Variants in GPCPD1 observed in about 807,000 individuals in gnomAD.
GPCPD1 encodes the protein glycerophosphocholine phosphodiesterase GPCPD1.
Under a neutral mutation model 89.2 loss-of-function variants are expected in GPCPD1, and 29 were observed. The observed-to-expected ratio is 0.33, with a 90% CI of 0.24 to 0.44. The LOEUF (loss-of-function observed/expected upper bound fraction) is 0.44, where lower values mean the gene tolerates loss of function less well. Among genes scored for constraint, GPCPD1 ranks in the 20% least tolerant of loss-of-function variants. The pLI is 1.00. For missense variants in GPCPD1, 594 were observed against 808.9 expected (o/e 0.73, Z 3.22); for synonymous variants, 258 against 266.3 (o/e 0.97, Z 0.30).
intron 12 of GPCPD1, among the ~76,000 whole-genome samples, chr20:5,568,032 A>G (rs1394314730): frequency 1.3e-5 from 2 of 152,066 alleles, no homozygotes; most frequent in Non-Finnish European, 2.9e-5. Context: ...GACACACCAA[A>G]TGTCATGAAA....
intron 2 of GPCPD1, among the ~76,000 whole-genome samples, chr20:5,599,869 T>C (rs1980005899): frequency 6.6e-6 from 1 of 152,198 alleles, no homozygotes; most frequent in African/African-American, 2.4e-5. Context: ...TAGTACTTCT[T>C]AACTAAGGTA....
chr20:5,598,540 A>C (rs1000378169), intron 3 of GPCPD1, among the ~76,000 whole-genome samples, 185 bp downstream of exon 3: 3 of 152,278 alleles, frequency 2.0e-5, no homozygotes, highest in Admixed American at 1.3e-4. Flanking sequence ...AGGGATTAAC[A>C]GTAAGAGAGG....
chr20:5,606,719 T>C (rs1032911237), intron 1 of GPCPD1, among the ~76,000 whole-genome samples: 3 of 152,228 alleles, frequency 2.0e-5, no homozygotes, highest in African/African-American at 2.4e-5. Context: ...TGATTAATTG[T>C]CCAGCTCCAA....
intron 19 of GPCPD1, among the ~76,000 whole-genome samples, chr20:5,553,606 A>G (rs1457015378): frequency 1.3e-5 from 2 of 152,260 alleles, no homozygotes; most frequent in Non-Finnish European, 2.9e-5. Context: ...AAGGAAATTG[A>G]AAGTGCTACT....
intron 4 of GPCPD1, among the ~76,000 whole-genome samples, chr20:5,591,398 T>C (rs886239650): frequency 6.6e-6 from 1 of 152,232 alleles, no homozygotes; most frequent in Non-Finnish European, 1.5e-5. Context: ...TTCAAACCTT[T>C]TGTTTTATAG....
rs574713286 is a variant in GPCPD1, at chr20:5,546,512, G to A, written c.*1149C>T. On this transcript the variant is annotated 3_prime_UTR_variant, in exon 20 of 20. Coordinates refer to ENST00000379019, the MANE Select transcript of GPCPD1 (RefSeq NM_019593.5). ...ATTTTATTTAACATTCATTCTTTAA[G>A]TTACAGTTAACACAATCTGCTTCTA... The A allele has an allele frequency of 9.1e-4, 139 of 152,238 alleles. No homozygotes were observed. The highest frequency in any genetic ancestry group is 3.1e-3 in the Admixed American group (47 of 15,290). The allele number at this position is 152,238 out of a possible 1,614,324, so 9.4% of individuals were successfully genotyped here.
intron 19 of GPCPD1, among the ~76,000 whole-genome samples, chr20:5,554,572 T>C (rs1237718425): frequency 6.6e-6 from 1 of 152,228 alleles, no homozygotes; most frequent in East Asian, 1.9e-4. Flanking sequence ...CATGGTTTAC[T>C]GAATATTTTA....
Position 5,556,774 on chromosome 20 carries a change from A to G in GPCPD1, c.1829+1171T>C, listed in dbSNP as rs1474682312. On this transcript the variant is annotated intron_variant, in intron 19 of 19. Transcript: ENST00000379019. Reference sequence around the variant, plus strand: ...TTTGACTCCCTACTGGATGCCCCACATTGTTCTAACCTCAATAGCAATGAA... The same window carrying G: ...TTTGACTCCCTACTGGATGCCCCACGTTGTTCTAACCTCAATAGCAATGAA... 3.3e-5 allele frequency among the ~76,000 whole-genome samples: 5 copies of G among 152,322 alleles called. No homozygotes were observed. In the East Asian group the frequency reaches 9.6e-4, roughly 29 times the overall value.
chr20:5,574,562 C>T (rs1057402799), intron 10 of GPCPD1, among the ~76,000 whole-genome samples: 1 of 152,080 alleles, frequency 6.6e-6, no homozygotes, highest in African/African-American at 2.4e-5. Context: ...AGGTGAGACC[C>T]GGTCTCTACA....
intron 2 of GPCPD1, among the ~76,000 whole-genome samples, chr20:5,600,117 GC>G (rs1980022436): frequency 6.6e-6 from 1 of 152,218 alleles, no homozygotes. Context: ...TCTGAGAACA[GC>G]TGGGATTCCA....
chr20:5,609,227 G>T (rs927672308), intron 1 of GPCPD1, among the ~76,000 whole-genome samples: 2 of 152,088 alleles, frequency 1.3e-5, no homozygotes, highest in Admixed American at 1.3e-4. Context: ...CCAGGCCTTG[G>T]CAGCTTTGAT....
At chr20:5,609,529 T>C (rs1980813738) in intron 1 of GPCPD1, among the ~76,000 whole-genome samples, 1 of 152,252 alleles carries the variant, frequency 6.6e-6, no homozygotes, top group South Asian at 2.1e-4. Context: ...CCATTCATTT[T>C]ACCGTGATAT....
rs574124983 is a variant in GPCPD1, at chr20:5,557,722, G to A, written c.1829+223C>T. Among the ~76,000 whole-genome samples, 4 of 152,266 alleles carry A rather than the reference G, an allele frequency of 2.6e-5. No homozygotes were observed. The East Asian group carries it at 5.8e-4, about 22-fold the overall frequency. On this transcript the variant is annotated intron_variant, in intron 19 of 19. Transcript: ENST00000379019. ...TCACCCTCACCCCCAGGGTGATTTA[G>A]TATATATATCTGAGTTAAGGCCCAG...
chr20:5,547,592 C>A lies in GPCPD1; in HGVS notation c.*69G>T. 1 of 766,112 alleles carries A rather than the reference C, an allele frequency of 1.3e-6. No homozygotes were observed. Among genetic ancestry groups the A allele is most frequent in the Non-Finnish European group, 2.2e-6 (1 of 456,328 alleles). The allele number at this position is 766,112 out of a possible 1,614,324, so 47.5% of individuals were successfully genotyped here. A position where few individuals can be genotyped will look rare whatever the true frequency, so the allele number is the denominator to read the frequency against. ...GCCCAAAAGGCATAGATCAACAATG[C>A]TCAGTGATGAAAAATGAATACCCAG... On this transcript the variant is annotated 3_prime_UTR_variant, in exon 20 of 20. Coordinates refer to ENST00000379019, the MANE Select transcript of GPCPD1 (RefSeq NM_019593.5).
At chr20:5,581,490 A>G (rs1978479909) in intron 6 of GPCPD1, among the ~76,000 whole-genome samples, 1 of 152,184 alleles carries the variant, frequency 6.6e-6, no homozygotes. Context: ...TTAGATATTC[A>G]GCTGCAACTA....
At chr20:5,578,633 GA>G (rs112900894) in intron 7 of GPCPD1, 22 bp from the exon 8 acceptor site, 42 of 1,448,466 alleles carry the variant, frequency 2.9e-5, no homozygotes, top group Middle Eastern at 3.5e-4. Context: ...ACAAAATAAT[GA>G]GATGCAAGAA....
intron 19 of GPCPD1, among the ~76,000 whole-genome samples, chr20:5,556,331 G>T (rs980618280): frequency 1.3e-5 from 2 of 151,860 alleles, no homozygotes; most frequent in African/African-American, 4.8e-5. Flanking sequence ...CCTCAGCCCC[G>T]AGCAGCTAGG....
intron 15 of GPCPD1, 52 bp from the exon 16 acceptor site, chr20:5,561,582 A>G (rs1986079904): frequency 2.5e-6 from 2 of 816,000 alleles, no homozygotes; most frequent in Non-Finnish European, 4.1e-6. Flanking sequence ...GGATAGCAGA[A>G]TAAGAAAACA....
At chr20:5,549,700 G>C (rs559924904) in intron 19 of GPCPD1, among the ~76,000 whole-genome samples, 16 of 142,686 alleles carry the variant, frequency 1.1e-4, no homozygotes, top group African/African-American at 4.2e-4. Context: ...AGCTGAGATT[G>C]TGCCACTGCA....
Sources: gnomAD v4.1 joint callset for allele counts (sites outside exome capture counted in the v4.1 genomes callset) on GRCh38, gnomAD v4.1.1 for gene constraint, MANE v1.5 for transcripts, NCBI Gene and HGNC (gene_info 2026-07-23, HGNC 2026-07-21) for gene names.